Variants in GPR78 observed in about 807,000 individuals in gnomAD.
GPR78 encodes G protein-coupled receptor 78.
In GPR78, 29 loss-of-function variants were observed where a neutral mutation model predicts 17.9. The observed-to-expected ratio is 1.62, with a 90% CI of 1.20 to 2.21. The LOEUF is 2.21. Ranked by LOEUF, GPR78 falls within the 30% of genes most tolerant of loss-of-function variation. The pLI, the probability that GPR78 is intolerant of heterozygous loss-of-function variation, is 0.00. For missense variants in GPR78, 649 were observed against 530.5 expected, an observed-to-expected ratio of 1.22 and a Z score of -2.19; for synonymous variants, 349 against 256.9, an observed-to-expected ratio of 1.36 and a Z score of -3.43.
At position 8,587,691 on chromosome 4, in the gene GPR78, G is replaced by A. The variant is rs573981749; in HGVS notation, c.*328G>A. 1.1e-4 allele frequency: 46 copies of A among 415,540 alleles called. No individual in the cohort carries two copies. Among genetic ancestry groups the A allele is most frequent in the Non-Finnish European group, 1.8e-4 (41 of 226,016 alleles). The allele number at this position is 415,540 out of a possible 1,614,324, so 25.7% of individuals were successfully genotyped here. A position where few individuals can be genotyped will look rare whatever the true frequency, so the allele number is the denominator to read the frequency against. On this transcript the variant is annotated 3_prime_UTR_variant, in exon 3 of 3. Coordinates refer to ENST00000382487, the MANE Select transcript of GPR78 (RefSeq NM_080819.5). ...TAGGGAAGTGCCCTGTGTGGCATATGGTACTCGTGGGCGTGCTATAAGTGA... is the reference window on the plus strand; with the variant it reads ...TAGGGAAGTGCCCTGTGTGGCATATAGTACTCGTGGGCGTGCTATAAGTGA...
Position 8,588,775 on chromosome 4 carries a change from G to A in GPR78, c.*1412G>A, listed in dbSNP as rs998642401. ...GAGGCTGAATTCTTCAAAGACACAC[G>A]CGGTCGTCACTTGCTCTTGGCATTA... On this transcript the variant is annotated 3_prime_UTR_variant, in exon 3 of 3. Transcript: ENST00000382487. Among the ~76,000 whole-genome samples the A allele has an allele frequency of 5.9e-5, 9 of 152,224 alleles. No individual in the cohort carries two copies. Among genetic ancestry groups the A allele is most frequent in the Admixed American group, 1.3e-4 (2 of 15,286 alleles).
chr4:8,586,792 G>C (rs562517479), intron 2 of GPR78, among the ~76,000 whole-genome samples: 2 of 152,188 alleles, frequency 1.3e-5, no homozygotes, highest in Non-Finnish European at 2.9e-5. Flanking sequence ...TGGTGACGGT[G>C]GCAGTGCTGC....
In GPR78 at chr4:8,581,331, C is replaced by A; in HGVS notation, c.349C>A (p.Arg117Ser). The change falls in exon 1 of 3, where the codon CGC (arginine) becomes AGC (serine). Residue 117 changes from arginine to serine, a missense_variant. Transcript: ENST00000382487. ...AVGFPLRYAG[R>S]LRPRYAGLLL... The stretch of plus-strand genomic sequence containing the variant: ...GGGCTTCCCACTGCGCTACGCCGGA[C>A]GCCTGCGACCGCGCTATGCCGGCCT... The A allele has an allele frequency of 6.3e-6, 10 of 1,575,224 alleles. No individual in the cohort carries two copies. The highest frequency in any genetic ancestry group is 1.7e-5 in the Admixed American group (1 of 57,470).
Position 8,581,253 on chromosome 4 carries a change from T to C in GPR78, c.271T>C (p.Ser91Pro). 1.9e-6 allele frequency: 3 copies of C among 1,592,830 alleles called. No individual in the cohort carries two copies. Among genetic ancestry groups the C allele is most frequent in the Non-Finnish European group, 2.6e-6 (3 of 1,174,612 alleles). ...VIGFLDTFLA[S>P]NAALSVAALS... The stretch of plus-strand genomic sequence containing the variant: ...TGGCTTCCTGGACACCTTCCTGGCG[T>C]CCAACGCGGCGCTGAGCGTGGCGGC... Residue 91 changes from serine to proline, a missense_variant, in exon 1 of 3, where the codon TCC becomes CCC. Coordinates refer to ENST00000382487, the MANE Select transcript of GPR78 (RefSeq NM_080819.5).
chr4:8,581,564 G>A lies in GPR78; in HGVS notation c.582G>A (p.Gln194=). The change falls in exon 1 of 3, where the codon CAG becomes CAA. Residue 194 remains glutamine (Q), a synonymous_variant. Transcript: ENST00000382487. The part of the protein sequence containing the change: ...PLAVLCLTSL[Q]VHRVARRHCQ... ...CGGTGCTCTGCCTCACCTCGCTCCA[G>A]GTGCACCGGGTGGCACGCAGACACT... The A allele has an allele frequency of 6.3e-7, 1 of 1,579,506 alleles. No homozygotes were observed. The highest frequency in any genetic ancestry group is 8.5e-7 in the Non-Finnish European group (1 of 1,170,650).
At position 8,587,271 on chromosome 4, in the gene GPR78, C is replaced by CA; in HGVS notation, c.1001dup (p.His334GlnfsTer23). 1 of 1,597,904 alleles carries CA rather than the reference C, an allele frequency of 6.3e-7. No individual in the cohort carries two copies. On this transcript the variant is annotated frameshift_variant, in exon 3 of 3. Coordinates refer to ENST00000382487, the MANE Select transcript of GPR78 (RefSeq NM_080819.5). LOFTEE classifies it high-confidence loss of function. ...CTCTCTGGATGTGGCCGGCATGGTG[C>CA]ACCAGCTGCTGAAGAGAACCCCGCG...
chr4:8,589,656 G>A lies in GPR78; in HGVS notation c.*2293G>A, dbSNP rs867666760. ...CTACACTCTGTGTTATTGCATCTCCGCCAGGCTAAAAGCCTTGGTCACTAC... is the reference window on the plus strand; with the variant it reads ...CTACACTCTGTGTTATTGCATCTCCACCAGGCTAAAAGCCTTGGTCACTAC... On this transcript the variant is annotated 3_prime_UTR_variant, in exon 3 of 3. Coordinates refer to ENST00000382487, the MANE Select transcript of GPR78 (RefSeq NM_080819.5). 1.3e-5 allele frequency among the ~76,000 whole-genome samples: 2 copies of A among 152,208 alleles called. No homozygotes were observed. Among genetic ancestry groups the A allele is most frequent in the African/African-American group, 4.8e-5 (2 of 41,458 alleles).
In GPR78 at chr4:8,587,196, G is replaced by T; in HGVS notation, c.925G>T (p.Val309Leu). The T allele has an allele frequency of 6.2e-7, 1 of 1,612,746 alleles. No individual in the cohort carries two copies. The highest frequency in any genetic ancestry group is 2.2e-5 in the East Asian group (1 of 44,876). Residue 309 changes from valine to leucine, a missense_variant, in exon 3 of 3, where the codon GTG becomes TTG. Physicochemically the swap from Val to Leu is conservative, Grantham distance 32. Coordinates refer to ENST00000382487, the MANE Select transcript of GPR78 (RefSeq NM_080819.5). ...RPFRQVLAGMVHRLLKRTPRP... is the reference protein window; with the variant it reads ...RPFRQVLAGMLHRLLKRTPRP... ...GTTCCGCCAAGTCCTGGCCGGCATG[G>T]TGCACCGGCTGCTGAAGAGAACCCC... is the stretch of plus-strand genomic sequence containing the variant.
At chr4:8,586,914 G>A in intron 2 of GPR78, 140 bp from the exon 3 acceptor site, 5 of 704,600 alleles carry the variant, frequency 7.1e-6, no homozygotes, top group Middle Eastern at 3.9e-4. Flanking sequence ...GGCTCAGGGT[G>A]CTGGTGCAGA....
At position 8,587,993 on chromosome 4, in the gene GPR78, A is replaced by G. The variant is rs2109302932; in HGVS notation, c.*630A>G. On this transcript the variant is annotated 3_prime_UTR_variant, in exon 3 of 3. Transcript: ENST00000382487. ...CCCAGCTCCAGGCCTGTCCGCTGTGACTGCCTGTGTGGGCACGCAGATGGA... is the reference window on the plus strand; with the variant it reads ...CCCAGCTCCAGGCCTGTCCGCTGTGGCTGCCTGTGTGGGCACGCAGATGGA... Among the ~76,000 whole-genome samples the G allele has an allele frequency of 6.6e-6, 1 of 152,252 alleles. No individual in the cohort carries two copies. The highest frequency in any genetic ancestry group is 2.4e-5 in the African/African-American group (1 of 41,536).
chr4:8,586,273 C>G (rs1440707977), intron 2 of GPR78, among the ~76,000 whole-genome samples: 3 of 152,204 alleles, frequency 2.0e-5, no homozygotes, highest in African/African-American at 7.2e-5. Context: ...AGAGCCCAGT[C>G]CCTTCTACTC....
intron 2 of GPR78, among the ~76,000 whole-genome samples, chr4:8,584,172 T>C (rs747669862): frequency 6.6e-6 from 1 of 152,144 alleles, no homozygotes; most frequent in Non-Finnish European, 1.5e-5. Flanking sequence ...AGCTCCAGCA[T>C]TTAGTTTTGA....
rs1397731291 is a variant in GPR78, at chr4:8,587,968, C to G, written c.*605C>G. 6.6e-6 allele frequency among the ~76,000 whole-genome samples: 1 copy of G among 152,156 alleles called. No individual in the cohort carries two copies. Among genetic ancestry groups the G allele is most frequent in the Non-Finnish European group, 1.5e-5 (1 of 68,030 alleles). On this transcript the variant is annotated 3_prime_UTR_variant, in exon 3 of 3. Transcript: ENST00000382487. ...GCCCATCTCTGGAAGCCTAGGGGTC[C>G]CCAGCTCCAGGCCTGTCCGCTGTGA...
chr4:8,582,337 C>T (rs1035379261), intron 1 of GPR78, among the ~76,000 whole-genome samples, 194 bp from the exon 2 acceptor site: 1 of 152,128 alleles, frequency 6.6e-6, no homozygotes, highest in African/African-American at 2.4e-5. Flanking sequence ...TCCAGACTTC[C>T]TTTATTTCAC....
In GPR78 at chr4:8,588,043, T is replaced by C. The variant is rs555579812; in HGVS notation, c.*680T>C. 5.3e-5 allele frequency among the ~76,000 whole-genome samples: 8 copies of C among 152,322 alleles called. No homozygotes were observed. The highest frequency in any genetic ancestry group is 1.3e-4 in the Admixed American group (2 of 15,302). Reference sequence around the variant, plus strand: ...AGCCTGTCTCCTGCCTTCCTTTCCATGGTTTGCCAGGGGTTTGGCATCTTG... The same window carrying C: ...AGCCTGTCTCCTGCCTTCCTTTCCACGGTTTGCCAGGGGTTTGGCATCTTG... On this transcript the variant is annotated 3_prime_UTR_variant, in exon 3 of 3. Coordinates refer to ENST00000382487, the MANE Select transcript of GPR78 (RefSeq NM_080819.5).
At position 8,588,513 on chromosome 4, in the gene GPR78, C is replaced by T. The variant is rs140113494; in HGVS notation, c.*1150C>T. ...AGAGGTGTGTGTGTGAATGAGTGAGCGAGTGAATGAATGGACACGATTCTC... is the reference window on the plus strand; with the variant it reads ...AGAGGTGTGTGTGTGAATGAGTGAGTGAGTGAATGAATGGACACGATTCTC... On this transcript the variant is annotated 3_prime_UTR_variant, in exon 3 of 3. Coordinates refer to ENST00000382487, the MANE Select transcript of GPR78 (RefSeq NM_080819.5). 2.0e-5 allele frequency among the ~76,000 whole-genome samples: 3 copies of T among 152,206 alleles called. No homozygotes were observed.
At chr4:8,584,579 A>T (rs898731208) in intron 2 of GPR78, among the ~76,000 whole-genome samples, 1 of 152,196 alleles carries the variant, frequency 6.6e-6, no homozygotes, top group Non-Finnish European at 1.5e-5. Context: ...CTCGGTTCTG[A>T]TGGTGGGAGA....
In GPR78 at chr4:8,582,650, T is replaced by A; in HGVS notation, c.782+6T>A. The A allele has an allele frequency of 1.9e-6, 3 of 1,575,108 alleles. No homozygotes were observed. In the South Asian group the frequency reaches 3.3e-5, roughly 17 times the overall value. On this transcript the variant is annotated splice_donor_region_variant and intron_variant, in intron 2 of 2. Coordinates refer to ENST00000382487, the MANE Select transcript of GPR78 (RefSeq NM_080819.5). ...GCCCCGTATGTCATGACCAGGTGGG[T>A]CCTGGCAGTCCGGCTCCTGTTGTGG...
rs771188382 is a variant in GPR78, at chr4:8,581,078, C to T, written c.96C>T (p.Tyr32=). ...SNALVLLCCA[Y]SAELRTRASG... is the part of the protein sequence containing the mutation. ...CACTGGTGCTGCTTTGTTGCGCCTA[C>T]AGCGCTGAGCTCCGCACTCGAGCCT... Residue 32 remains tyrosine, a synonymous_variant, in exon 1 of 3, where the codon TAC becomes TAT. Transcript: ENST00000382487. 16 of 1,606,420 alleles carry T rather than the reference C, an allele frequency of 1.0e-5. No individual in the cohort carries two copies. Among genetic ancestry groups the T allele is most frequent in the Non-Finnish European group, 1.4e-5 (16 of 1,179,220 alleles).
Sources: gnomAD v4.1 joint callset for allele counts (sites outside exome capture counted in the v4.1 genomes callset) on GRCh38, gnomAD v4.1.1 for gene constraint, MANE v1.5 for transcripts, NCBI Gene and HGNC (gene_info 2026-07-23, HGNC 2026-07-21) for gene names.